DIP2C: variants seen among roughly 807,000 people sequenced by gnomAD.
DIP2C encodes the protein disco-interacting protein 2 homolog C.
In DIP2C, 33 loss-of-function variants were observed where a neutral mutation model predicts 192.4. That is an observed-to-expected ratio of 0.17 (90% confidence interval 0.13 to 0.23). DIP2C has a LOEUF of 0.23. Ranked by LOEUF, DIP2C falls within the 10% of genes least tolerant of loss-of-function variation. The pLI is 1.00. For missense variants in DIP2C, 1,537 were observed against 2,110.1 expected (o/e 0.73, Z 5.32); for synonymous variants, 979 against 864.1 (o/e 1.13, Z -2.33).
chr10:627,217 G>A (rs967917127), intron 1 of DIP2C, among the ~76,000 whole-genome samples: 115 of 152,314 alleles, frequency 7.6e-4, no homozygotes, highest in African/African-American at 2.6e-3. Context: ...TCAGGCCCCC[G>A]AAGCTGCTTT....
intron 7 of DIP2C, among the ~76,000 whole-genome samples, chr10:415,164 T>G (rs886421956): frequency 2.0e-4 from 31 of 151,976 alleles, no homozygotes; most frequent in Non-Finnish European, 2.1e-4. Flanking sequence ...TTGAGAGAGG[T>G]GAAGAATGGA....
intron 32 of DIP2C, among the ~76,000 whole-genome samples, chr10:306,062 TGA>T (rs1956308252): frequency 6.6e-6 from 1 of 151,922 alleles, no homozygotes; most frequent in African/African-American, 2.4e-5. Context: ...TGGAAGTCAT[TGA>T]GAGACTTATG....
At chr10:592,468 A>T (rs1292577572) in intron 1 of DIP2C, among the ~76,000 whole-genome samples, 1 of 151,502 alleles carries the variant, frequency 6.6e-6, no homozygotes, top group African/African-American at 2.5e-5. Context: ...ACCATGGAAT[A>T]TTCCTCAGCA....
chr10:433,840 A>G (rs1332581733), intron 4 of DIP2C, among the ~76,000 whole-genome samples: 1 of 152,310 alleles, frequency 6.6e-6, no homozygotes, highest in Non-Finnish European at 1.5e-5. Context: ...GTAATGATAT[A>G]CAGTTGAATT....
At chr10:344,680 C>T (rs1034193805) in intron 28 of DIP2C, 129 bp downstream of exon 28, 12 of 734,860 alleles carry the variant, frequency 1.6e-5, no homozygotes, top group Middle Eastern at 3.8e-4. Flanking sequence ...GAATGAAACA[C>T]GTATGTATAC....
At chr10:522,851 C>T (rs1846797298) in intron 1 of DIP2C, among the ~76,000 whole-genome samples, 2 of 152,206 alleles carry the variant, frequency 1.3e-5, no homozygotes, top group Non-Finnish European at 1.5e-5. Context: ...CTACCTGACG[C>T]AAAGGACCCT....
intron 1 of DIP2C, among the ~76,000 whole-genome samples, chr10:544,454 A>T (rs955234411): frequency 6.6e-6 from 1 of 152,184 alleles, no homozygotes; most frequent in Non-Finnish European, 1.5e-5. Context: ...TATGCCTGGG[A>T]GTGAAATTGC....
At chr10:546,191 A>AG (rs1848275304) in intron 1 of DIP2C, among the ~76,000 whole-genome samples, 1 of 151,830 alleles carries the variant, frequency 6.6e-6, no homozygotes, top group African/African-American at 2.4e-5. Context: ...CTGAGGCAGG[A>AG]GAATCACTTG....
chr10:534,668 A>AT (rs66643213), intron 1 of DIP2C, among the ~76,000 whole-genome samples: 19,415 of 130,474 alleles, frequency 0.15, 2,515 homozygotes, highest in African/African-American at 0.33. Flanking sequence ...CTGGATGATT[A>AT]TTATTTTTTT....
chr10:349,428 G>C lies in DIP2C; in HGVS notation c.3012C>G (p.Cys1004Trp). The C allele has an allele frequency of 6.2e-7, 1 of 1,609,264 alleles. No individual in the cohort carries two copies. Residue 1004 changes from cysteine (C) to tryptophan (W), a missense_variant, in exon 25 of 37, where the codon TGC becomes TGG. Coordinates refer to ENST00000280886, the MANE Select transcript of DIP2C (RefSeq NM_014974.3). ...CRGAIANSLTCVQLHKRAEKI... is the reference protein window; with the variant it reads ...CRGAIANSLTWVQLHKRAEKI... ...TCTCAGCTCTCTTGTGCAGCTGCAC[G>C]CAGGTCAGCGAGTTCGCTATCGCAC...
intron 1 of DIP2C, among the ~76,000 whole-genome samples, chr10:555,796 G>A (rs1848821723): frequency 6.6e-6 from 1 of 152,094 alleles, no homozygotes; most frequent in African/African-American, 2.4e-5. Flanking sequence ...GGTCACGCAG[G>A]ATGCCACTCT....
intron 1 of DIP2C, among the ~76,000 whole-genome samples, chr10:584,981 G>C (rs1380851645): frequency 8.0e-6 from 1 of 125,052 alleles, no homozygotes; most frequent in Non-Finnish European, 1.6e-5. Context: ...CCACTCACGC[G>C]CATCACCTCT....
chr10:575,566 G>GCA (rs1281999152), intron 1 of DIP2C, among the ~76,000 whole-genome samples: 8 of 152,322 alleles, frequency 5.3e-5, no homozygotes, highest in African/African-American at 1.9e-4. Flanking sequence ...CCTGCTATGG[G>GCA]CACGTGTGAT....
At chr10:519,878 G>A (rs1348978199) in intron 1 of DIP2C, among the ~76,000 whole-genome samples, 1 of 151,132 alleles carries the variant, frequency 6.6e-6, no homozygotes, top group Admixed American at 6.6e-5. Flanking sequence ...GGGCCAGTAT[G>A]GCCACAAGGC....
At position 689,635 on chromosome 10, in the gene DIP2C, G is replaced by C. The variant is rs1280806464; in HGVS notation, c.-57C>G. 7.6e-6 allele frequency: 8 copies of C among 1,051,300 alleles called. No individual in the cohort carries two copies. Among genetic ancestry groups the C allele is most frequent in the East Asian group, 1.2e-4 (2 of 16,314 alleles). 65.1% of individuals were successfully genotyped at this position (1,051,300 alleles called of 1,614,324 possible). A position where few individuals can be genotyped will look rare whatever the true frequency, so the allele number is the denominator to read the frequency against. ...CTCTTTGTTCGCAGGCGGAGGTCTC[G>C]GCGGCTCCTCGCGCCCGGCGGAACC... On this transcript the variant is annotated 5_prime_UTR_variant, in exon 1 of 37. Coordinates refer to ENST00000280886, the MANE Select transcript of DIP2C (RefSeq NM_014974.3). The surrounding 1 kb of genome is among the most constrained non-coding windows in gnomAD (Gnocchi z 6.1).
chr10:436,277 G>C (rs867797557), intron 4 of DIP2C, among the ~76,000 whole-genome samples: 1 of 152,210 alleles, frequency 6.6e-6, no homozygotes, highest in Non-Finnish European at 1.5e-5. Flanking sequence ...TGTGGGTAAC[G>C]TGTTGAGCAC....
At chr10:581,058 T>A (rs150319868) in intron 1 of DIP2C, among the ~76,000 whole-genome samples, 1 of 152,298 alleles carries the variant, frequency 6.6e-6, no homozygotes, top group African/African-American at 2.4e-5. Context: ...TGTCCCAGGG[T>A]GAGGGCAACA....
intron 17 of DIP2C, 165 bp from the exon 18 acceptor site, chr10:369,798 C>A: frequency 7.4e-7 from 1 of 1,355,692 alleles, no homozygotes; most frequent in South Asian, 1.3e-5. Context: ...GATGCTCGTT[C>A]TGTTTATGAA....
chr10:671,304 T>A (rs1487619616), intron 1 of DIP2C, among the ~76,000 whole-genome samples: 1 of 147,070 alleles, frequency 6.8e-6, no homozygotes, highest in Non-Finnish European at 1.5e-5. Flanking sequence ...ACACCACAGA[T>A]CCACAGACGG....
Sources: gnomAD v4.1 joint callset for allele counts (sites outside exome capture counted in the v4.1 genomes callset) on GRCh38, gnomAD v4.1.1 for gene constraint, Gnocchi (gnomAD v3.1) non-coding constraint, MANE v1.5 for transcripts, NCBI Gene and HGNC (gene_info 2026-07-23, HGNC 2026-07-21) for gene names.